The following CFAP47 variants were observed in gnomAD, a reference collection of about 807,000 sequenced individuals.
CFAP47 encodes cilia- and flagella-associated protein 47.
Under a neutral mutation model 148.1 loss-of-function variants are expected in CFAP47, and 29 were observed. That is an observed-to-expected ratio of 0.20 (90% CI 0.15 to 0.27). The LOEUF is 0.27. Ranked by LOEUF, CFAP47 falls within the 10% of genes least tolerant of loss-of-function variation. CFAP47 has a pLI of 1.00. For synonymous variants in CFAP47, 664 were observed against 577.3 expected (o/e 1.15, Z -2.15); for missense variants, 1,872 against 1,697.5 (o/e 1.10, Z -1.81).
intron 11 of CFAP47, 23 bp from the exon 12 acceptor site, chrX:35,971,563 T>C: frequency 1.1e-6 from 1 of 946,899 alleles, no homozygotes; most frequent in Non-Finnish European, 1.4e-6. Flanking sequence ...AATTACTGAT[T>C]ATTATTATTA....
intron 57 of CFAP47, among the ~76,000 whole-genome samples, chrX:36,343,576 A>T (rs1941670792): frequency 8.9e-6 from 1 of 111,962 alleles, no homozygotes; most frequent in Non-Finnish European, 1.9e-5. Context: ...CAATCCCATT[A>T]CTTGGTATAT....
rs782211742 is a variant in CFAP47 at position 36,201,357 on chromosome X, A to G, written c.6520A>G (p.Asn2174Asp). The change falls in exon 44 of 64, where the codon AAT becomes GAT. Residue 2174 changes from asparagine (N) to aspartate (D), a missense_variant. Physicochemically the swap from Asn to Asp is conservative, Grantham distance 23 (BLOSUM62 1). Coordinates refer to ENST00000378653, the MANE Select transcript of CFAP47 (RefSeq NM_001304548.2). ...TGTGGACCTTAAATTGCCAATGACT[A>G]ATGAAGCCAAGGAAAAGGCTTTGGC... is the stretch of plus-strand genomic sequence containing the variant. ...LYVDLKLPMT[N>D]EAKEKALAFA... 1.0e-4 allele frequency: 31 copies of G among 295,557 alleles called. No individual in the cohort carries two copies. The highest frequency in any genetic ancestry group is 8.0e-4 in the African/African-American group (29 of 36,331). 24.4% of individuals were successfully genotyped at this position (295,557 alleles called of 1,213,427 possible). A position where few individuals can be genotyped will look rare whatever the true frequency, so the allele number is the denominator to read the frequency against.
rs1555991879 is a variant in CFAP47 at position 36,228,682 on chromosome X, G to A, written c.6872G>A (p.Arg2291His). 1 of 524,875 alleles carries A rather than the reference G, an allele frequency of 1.9e-6. No homozygotes were observed. Among genetic ancestry groups the A allele is most frequent in the Non-Finnish European group, 3.5e-6 (1 of 286,270 alleles). The allele number at this position is 524,875 out of a possible 1,213,427, so 43.3% of individuals were successfully genotyped here. A position where few individuals can be genotyped will look rare whatever the true frequency, so the allele number is the denominator to read the frequency against. The change falls in exon 46 of 64, where the codon CGC (arginine) becomes CAC (histidine). Residue 2291 changes from arginine (R) to histidine (H), a missense_variant. By Grantham distance (29) the Arg-to-His change is conservative. Coordinates refer to ENST00000378653, the MANE Select transcript of CFAP47 (RefSeq NM_001304548.2). ...CAATTTCTTCCTCTCCAATCTGGAC[G>A]CTACCCTTGTAAAATTTTATTGAAA... ...PLQFLPLQSG[R>H]YPCKILLKSR... is the part of the protein sequence containing the mutation.
At chrX:35,983,659 G>T (rs1936675978) in intron 15 of CFAP47, among the ~76,000 whole-genome samples, 1 of 111,588 alleles carries the variant, frequency 9.0e-6, no homozygotes, top group South Asian at 3.7e-4. Flanking sequence ...TTTATTGAGG[G>T]CTTTTAAACA....
intron 45 of CFAP47, among the ~76,000 whole-genome samples, chrX:36,220,104 A>G (rs1940198632): frequency 8.9e-6 from 1 of 111,815 alleles, no homozygotes; most frequent in African/African-American, 3.2e-5. Flanking sequence ...ACATGGTGCC[A>G]CAGGTGGAAA....
Position 35,932,244 on chromosome X carries a change from T to TTTTCTTTCTTTC in CFAP47, c.401+6088_401+6099dup, listed in dbSNP as rs780392333. The stretch of plus-strand genomic sequence containing the variant: ...TTTCTTTCTTTCTTTTTTTCTTTTC[T>TTTTCTTTCTTTC]TTTCTTTCTTTCTTTCTTTCTTTTT... On this transcript the variant is annotated intron_variant, in intron 2 of 63. Coordinates refer to ENST00000378653, the MANE Select transcript of CFAP47 (RefSeq NM_001304548.2). 1.5e-3 allele frequency among the ~76,000 whole-genome samples: 163 copies of TTTTCTTTCTTTC among 106,293 alleles called. 1 individual carries two copies. Among genetic ancestry groups the TTTTCTTTCTTTC allele is most frequent in the African/African-American group, 5.2e-3 (149 of 28,692 alleles). 92.3% of individuals were successfully genotyped at this position (106,293 alleles called of 115,157 possible). A position where few individuals can be genotyped will look rare whatever the true frequency, so the allele number is the denominator to read the frequency against.
At chrX:36,362,135 A>G (rs782699503) in intron 61 of CFAP47, among the ~76,000 whole-genome samples, 9 of 112,502 alleles carry the variant, frequency 8.0e-5, no homozygotes, top group Non-Finnish European at 1.3e-4. Flanking sequence ...GCACCATGAT[A>G]TACACAAAGT....
intron 62 of CFAP47, chrX:36,374,851 T>G (rs1942006696): frequency 3.6e-6 from 4 of 1,099,126 alleles, no homozygotes; most frequent in Non-Finnish European, 4.9e-6. Context: ...TTCTTCATGG[T>G]CCATGATGCC....
intron 32 of CFAP47, among the ~76,000 whole-genome samples, chrX:36,101,720 A>G (rs1365638217): frequency 1.8e-5 from 2 of 111,735 alleles, no homozygotes; most frequent in Non-Finnish European, 1.9e-5. Flanking sequence ...TAAACTGACA[A>G]TTGATTCTTT....
chrX:36,336,731 G>C (rs1042453443), intron 57 of CFAP47, among the ~76,000 whole-genome samples: 1 of 111,436 alleles, frequency 9.0e-6, no homozygotes, highest in Admixed American at 9.5e-5. Context: ...GTGTCATGTT[G>C]ATTTTAGTTG....
intron 57 of CFAP47, among the ~76,000 whole-genome samples, chrX:36,323,349 TTC>T: frequency 9.1e-6 from 1 of 109,893 alleles, no homozygotes; most frequent in Non-Finnish European, 1.9e-5. Flanking sequence ...CTTTTTTTTT[TTC>T]TCTCTCTCTC....
chrX:36,300,963 G>GT, intron 52 of CFAP47, 109 bp from the exon 53 acceptor site: 1 of 449,902 alleles, frequency 2.2e-6, no homozygotes, highest in Non-Finnish European at 4.0e-6. Flanking sequence ...GTTGTCAAAT[G>GT]TTGTATTTAA....
At chrX:36,011,423 A>T (rs1223454060) in intron 21 of CFAP47, among the ~76,000 whole-genome samples, 3 of 112,025 alleles carry the variant, frequency 2.7e-5, no homozygotes, top group African/African-American at 9.7e-5. Flanking sequence ...TAAATTCTCC[A>T]GGGCACTTTT....
Position 36,043,337 on chromosome X carries a change from C to A in CFAP47, c.4008-3517C>A, listed in dbSNP as rs779598568. ...CTGACAGTCTCCCAAAGTCTTAACT[C>A]ATTCCAGCATTAACTCAAAAGTCCA... On this transcript the variant is annotated intron_variant, in intron 25 of 63. Transcript: ENST00000378653. 3.3e-3 allele frequency among the ~76,000 whole-genome samples: 369 copies of A among 112,370 alleles called. 4 individuals carry two copies. Among genetic ancestry groups the A allele is most frequent in the African/African-American group, 0.012 (363 of 30,932 alleles).
At chrX:36,361,545 C>T (rs1213887939) in intron 61 of CFAP47, 44 bp downstream of exon 61, 1 of 556,116 alleles carries the variant, frequency 1.8e-6, no homozygotes, top group African/African-American at 2.4e-5. Flanking sequence ...TAGTATTACC[C>T]TTTTAAATGT....
intron 46 of CFAP47, among the ~76,000 whole-genome samples, chrX:36,230,569 A>G (rs1940336604): frequency 1.9e-5 from 2 of 103,614 alleles, no homozygotes; most frequent in South Asian, 8.5e-4. Context: ...TTGCCTGTTC[A>G]CTCTGATGGT....
intron 33 of CFAP47, among the ~76,000 whole-genome samples, chrX:36,114,299 C>G (rs1267596634): frequency 2.7e-5 from 3 of 111,414 alleles, no homozygotes; most frequent in African/African-American, 9.8e-5. Context: ...TCAACATACT[C>G]CTGCATCTCC....
At chrX:36,062,059 A>T (rs1360777176) in intron 26 of CFAP47, among the ~76,000 whole-genome samples, 1 of 111,517 alleles carries the variant, frequency 9.0e-6, no homozygotes, top group Non-Finnish European at 1.9e-5. Flanking sequence ...TTAGTCAGAT[A>T]ACCATAGTAA....
chrX:36,323,813 T>A lies in CFAP47; in HGVS notation c.8443+4506T>A, dbSNP rs980851336. 7.2e-5 allele frequency among the ~76,000 whole-genome samples: 8 copies of A among 111,856 alleles called. No homozygotes were observed. In the Admixed American group the frequency reaches 7.6e-4, roughly 11 times the overall value. ...ATTAGATCTAGATGTAGTTATATGTTGACCTAGATTGGAGCTCTAGCCACT... is the reference window on the plus strand; with the variant it reads ...ATTAGATCTAGATGTAGTTATATGTAGACCTAGATTGGAGCTCTAGCCACT... On this transcript the variant is annotated intron_variant, in intron 57 of 63. Transcript: ENST00000378653.
Sources: gnomAD v4.1 joint callset for allele counts (sites outside exome capture counted in the v4.1 genomes callset) on GRCh38, gnomAD v4.1.1 for gene constraint, MANE v1.5 for transcripts, NCBI Gene and HGNC (gene_info 2026-07-23, HGNC 2026-07-21) for gene names.